Variants in FPGS observed in about 807,000 individuals in gnomAD.
FPGS encodes folylpolyglutamate synthase, also known as folylpolyglutamate synthase, mitochondrial.
FPGS carries 53 observed loss-of-function variants against 66.5 expected under a neutral mutation model. That is an observed-to-expected ratio of 0.80 (90% CI 0.64 to 1.00). FPGS has a LOEUF of 1.00. Ranked by LOEUF, FPGS falls within the 50% of genes least tolerant of loss-of-function variation. FPGS has a pLI of 0.00. For missense variants in FPGS, 702 were observed against 807.7 expected (o/e 0.87, Z 1.59); for synonymous variants, 348 against 350.9 (o/e 0.99, Z 0.09).
At chr9:127,808,126 C>A in intron 8 of FPGS, 108 bp from the exon 9 acceptor site, 2 of 798,674 alleles carry the variant, frequency 2.5e-6, no homozygotes, top group Non-Finnish European at 4.2e-6. Context: ...AGAAAAGAAA[C>A]ATGAGGGATG....
In FPGS at chr9:127,803,299, G is replaced by T. The variant is rs901442563; in HGVS notation, c.138+237G>T. 8 of 1,227,736 alleles carry T rather than the reference G, an allele frequency of 6.5e-6. No individual in the cohort carries two copies. In the African/African-American group the frequency reaches 1.3e-4, roughly 19 times the overall value. The allele number at this position is 1,227,736 out of a possible 1,614,324, so 76.1% of individuals were successfully genotyped here. A position where few individuals can be genotyped will look rare whatever the true frequency, so the allele number is the denominator to read the frequency against. ...GCGTCCCCGCCCCGGGTTGGGAAGTGGGAAGTGGCACAGGAGCTAGGATCC... is the reference window on the plus strand; with the variant it reads ...GCGTCCCCGCCCCGGGTTGGGAAGTTGGAAGTGGCACAGGAGCTAGGATCC... On this transcript the variant is annotated intron_variant, in intron 1 of 14. Transcript: ENST00000373247.
chr9:127,806,813 C>A (rs1445637344), intron 4 of FPGS, 160 bp from the exon 5 acceptor site: 4 of 622,650 alleles, frequency 6.4e-6, no homozygotes, highest in Non-Finnish European at 2.9e-6. Flanking sequence ...ATGGGGAGGA[C>A]TGGGGGGCTA....
intron 4 of FPGS, among the ~76,000 whole-genome samples, chr9:127,805,132 G>A (rs1398018075): frequency 1.3e-5 from 2 of 151,944 alleles, no homozygotes; most frequent in African/African-American, 4.8e-5. Context: ...CAAGTGATCC[G>A]CCCACCTCGG....
rs1323624498 is a variant in FPGS, at chr9:127,810,936, G to C, written c.1288-9G>C. ...GGTCTGACACCAAGTCTTTCCCTTG[G>C]CCTTCTAGCCCTGCCAGTTTGACTA... On this transcript the variant is annotated splice_polypyrimidine_tract_variant and intron_variant, in intron 13 of 14. Transcript: ENST00000373247. 3 of 1,550,460 alleles carry C rather than the reference G, an allele frequency of 1.9e-6. No homozygotes were observed. The highest frequency in any genetic ancestry group is 2.6e-6 in the Non-Finnish European group (3 of 1,135,968).
At chr9:127,803,949 C>T (rs918987238) in intron 1 of FPGS, among the ~76,000 whole-genome samples, 1 of 152,208 alleles carries the variant, frequency 6.6e-6, no homozygotes, top group Non-Finnish European at 1.5e-5. Context: ...AGCAATATAG[C>T]AATGGACCCC....
chr9:127,803,402 AG>A, intron 1 of FPGS: 3 of 1,069,146 alleles, frequency 2.8e-6, no homozygotes, highest in Non-Finnish European at 3.4e-6. Flanking sequence ...GTGGGGAAAG[AG>A]GGTAGGGAAG....
rs1318722204 is a variant in FPGS, at chr9:127,811,439, G to A, written c.1354+428G>A. ...GGAGCTGGCAGTGAGCCGAGATCGC[G>A]CCACTGCACTCTAGGTCTGGGCGAC... On this transcript the variant is annotated intron_variant, in intron 14 of 14. Transcript: ENST00000373247. Among the ~76,000 whole-genome samples, 6 of 151,558 alleles carry A rather than the reference G, an allele frequency of 4.0e-5. 1 individual carries two copies. In the South Asian group the frequency reaches 6.2e-4, roughly 16 times the overall value.
intron 8 of FPGS, 150 bp from the exon 9 acceptor site, chr9:127,808,084 T>C (rs1829892593): frequency 1.6e-6 from 1 of 636,676 alleles, no homozygotes; most frequent in South Asian, 1.9e-5. Context: ...CCAGCCTGGG[T>C]GACAGAGTGA....
At position 127,807,113 on chromosome 9, in the gene FPGS, G is replaced by A; in HGVS notation, c.501+26G>A. On this transcript the variant is annotated intron_variant, in intron 5 of 14. Transcript: ENST00000373247. The surrounding 1 kb of genome is among the most constrained non-coding windows in gnomAD (Gnocchi z 5.8). ...GTGCCGCATGCAGGAGGGCTGGCGG[G>A]TGGGTATGGTTGGGGGTGCTACGTG... 1 of 1,611,198 alleles carries A rather than the reference G, an allele frequency of 6.2e-7. No individual in the cohort carries two copies. The highest frequency in any genetic ancestry group is 1.1e-5 in the South Asian group (1 of 91,026).
rs570905287 is a variant in FPGS, at chr9:127,813,571, C to T, written c.1731C>T (p.Val577=). 124 of 1,575,786 alleles carry T rather than the reference C, an allele frequency of 7.9e-5. 1 individual carries two copies. In the South Asian group the frequency reaches 1.4e-3, roughly 17 times the overall value. The change falls in exon 15 of 15, where the codon GTC becomes GTT. Residue 577 remains valine (V), a synonymous_variant. Coordinates refer to ENST00000373247, the MANE Select transcript of FPGS (RefSeq NM_004957.6). ...GCAGCCTGCACCTGGTGGGTGGTGT[C>T]CTGAAGCTGCTGGAGCCCGCACTGT... ...VTGSLHLVGG[V]LKLLEPALSQ
chr9:127,808,103 C>T (rs1797596053), intron 8 of FPGS, 131 bp from the exon 9 acceptor site: 2 of 694,664 alleles, frequency 2.9e-6, no homozygotes, highest in Non-Finnish European at 2.5e-6. Flanking sequence ...GAGACTTCAT[C>T]TCGAAAAAGA....
rs888492868 is a variant in FPGS, at chr9:127,809,697, G to A, written c.1074G>A (p.Thr358=). The stretch of plus-strand genomic sequence containing the variant: ...GCCCTCCCCCAGGGCTTCGGAACAC[G>A]GAGTGGCCGGGCCGGACGCAGGTGC... ...TSHMRLGLRN[T]EWPGRTQVLR... is the part of the protein sequence containing the mutation. The change falls in exon 12 of 15, where the codon ACG becomes ACA. Residue 358 remains threonine, a synonymous_variant. Coordinates refer to ENST00000373247, the MANE Select transcript of FPGS (RefSeq NM_004957.6). 54 of 1,588,192 alleles carry A rather than the reference G, an allele frequency of 3.4e-5. No homozygotes were observed. The highest frequency in any genetic ancestry group is 4.5e-5 in the Non-Finnish European group (53 of 1,174,912).
chr9:127,804,382 TG>T lies in FPGS; in HGVS notation c.238del (p.Glu80AsnfsTer17). The T allele has an allele frequency of 9.9e-6, 16 of 1,614,154 alleles. No individual in the cohort carries two copies. The highest frequency in any genetic ancestry group is 1.4e-5 in the Non-Finnish European group (16 of 1,180,012). On this transcript the variant is annotated frameshift_variant, in exon 2 of 15. Coordinates refer to ENST00000373247, the MANE Select transcript of FPGS (RefSeq NM_004957.6). LOFTEE classifies it high-confidence loss of function. ...RGDPQTQLEAMELYLARSGLQ... is the reference protein window; with the variant it reads ...RGDPQTQLEAXELYLARSGLQ... ...GACCCTCAGACACAGTTGGAAGCCA[TG>T]GAACTGTACCTGGCACGGAGTGGGC...
Position 127,804,278 on chromosome 9 carries a change from T to G in FPGS, c.139-7T>G, listed in dbSNP as rs750588955. 3.7e-6 allele frequency: 6 copies of G among 1,613,610 alleles called. No homozygotes were observed. The highest frequency in any genetic ancestry group is 5.1e-6 in the Non-Finnish European group (6 of 1,179,702). On this transcript the variant is annotated splice_polypyrimidine_tract_variant and splice_region_variant and intron_variant, in intron 1 of 14. Coordinates refer to ENST00000373247, the MANE Select transcript of FPGS (RefSeq NM_004957.6). ...TTAACCTACTATCTGGGCACTGTGGTTGCCAGGATGCCGTGCGCATGCTCA... is the reference window on the plus strand; with the variant it reads ...TTAACCTACTATCTGGGCACTGTGGGTGCCAGGATGCCGTGCGCATGCTCA...
At position 127,804,389 on chromosome 9, in the gene FPGS, G is replaced by C. The variant is rs34330923; in HGVS notation, c.243G>C (p.Leu81=). The C allele has an allele frequency of 4.3e-6, 7 of 1,614,220 alleles. No homozygotes were observed. The Admixed American group carries it at 1.2e-4, about 27-fold the overall frequency. ...AGACACAGTTGGAAGCCATGGAACT[G>C]TACCTGGCACGGAGTGGGCTGCAGG... is the stretch of plus-strand genomic sequence containing the variant. The part of the protein sequence containing the change: ...DPQTQLEAME[L]YLARSGLQVE... The change falls in exon 2 of 15, where the codon CTG becomes CTC. Residue 81 remains leucine (L), a synonymous_variant. Transcript: ENST00000373247.
chr9:127,804,356 T>C lies in FPGS; in HGVS notation c.210T>C (p.Gly70=), dbSNP rs1829724534. 6.2e-7 allele frequency: 1 copy of C among 1,614,142 alleles called. No individual in the cohort carries two copies. The highest frequency in any genetic ancestry group is 1.3e-5 in the African/African-American group (1 of 75,032). Reference sequence around the variant, plus strand: ...TGGAGCAGGTGAAGCGCCAGCGGGGTGACCCTCAGACACAGTTGGAAGCCA... The same window carrying C: ...TGGAGCAGGTGAAGCGCCAGCGGGGCGACCCTCAGACACAGTTGGAAGCCA... ...GYLEQVKRQR[G]DPQTQLEAME... The change falls in exon 2 of 15, where the codon GGT becomes GGC. Residue 70 remains glycine, a synonymous_variant. Transcript: ENST00000373247.
intron 14 of FPGS, among the ~76,000 whole-genome samples, chr9:127,812,514 G>T (rs978995573): frequency 7.3e-5 from 11 of 150,610 alleles, no homozygotes; most frequent in African/African-American, 2.7e-4. Flanking sequence ...TTTTTTGTTT[G>T]TTTATAAGAT....
Position 127,806,227 on chromosome 9 carries a change from T to C in FPGS, c.387-746T>C, listed in dbSNP as rs537403191. ...CTACTAAAAATACCAAAAAATTGGC[T>C]GGGCACGGTGGCTCATGCCTGTAAT... is the stretch of plus-strand genomic sequence containing the variant. On this transcript the variant is annotated intron_variant, in intron 4 of 14. Coordinates refer to ENST00000373247, the MANE Select transcript of FPGS (RefSeq NM_004957.6). Among the ~76,000 whole-genome samples the C allele has an allele frequency of 1.2e-4, 18 of 151,658 alleles. No individual in the cohort carries two copies. In the South Asian group the frequency reaches 3.6e-3, roughly 30 times the overall value.
chr9:127,804,578 G>A (rs375849356), intron 3 of FPGS, 26 bp downstream of exon 3: 3 of 1,614,036 alleles, frequency 1.9e-6, no homozygotes, highest in Non-Finnish European at 2.5e-6. Flanking sequence ...CTGGGGTAGG[G>A]GGTCTATTAA....
Sources: gnomAD v4.1 joint callset for allele counts (sites outside exome capture counted in the v4.1 genomes callset) on GRCh38, gnomAD v4.1.1 for gene constraint, Gnocchi (gnomAD v3.1) non-coding constraint, MANE v1.5 for transcripts, NCBI Gene and HGNC (gene_info 2026-07-23, HGNC 2026-07-21) for gene names.